The following FAT3 variants were observed in gnomAD, a reference collection of about 807,000 sequenced individuals.
FAT3 encodes protocadherin Fat 3.
A neutral mutation model predicts 310.2 loss-of-function variants in FAT3; 95 were observed. The observed-to-expected ratio is 0.31, with a 90% confidence interval of 0.26 to 0.36. The LOEUF is 0.36. Ranked by LOEUF, FAT3 falls within the 10% of genes least tolerant of loss-of-function variation. FAT3 has a pLI of 1.00. For synonymous variants in FAT3, 2,314 were observed against 2,192.9 expected (o/e 1.06, Z -1.54); for missense variants, 5,408 against 5,715.6 (o/e 0.95, Z 1.74).
chr11:92,866,130 T>C (rs1863157900), intron 21 of FAT3, among the ~76,000 whole-genome samples: 1 of 152,216 alleles, frequency 6.6e-6, no homozygotes, highest in South Asian at 2.1e-4. Context: ...AGCTGAGAAC[T>C]AGGAAATTTT....
rs1474762286 is a variant in FAT3 at position 92,797,829 on chromosome 11, A to G, written c.4823-7A>G. On this transcript the variant is annotated splice_region_variant and splice_polypyrimidine_tract_variant and intron_variant, in intron 9 of 27. Coordinates refer to ENST00000525166, the MANE Select transcript of FAT3 (RefSeq NM_001367949.2). Reference sequence around the variant, plus strand: ...AACTCATTTCACCATTGATTTCTGTATTTTAGGGAACACTGGGAACATGTT... The same window carrying G: ...AACTCATTTCACCATTGATTTCTGTGTTTTAGGGAACACTGGGAACATGTT... The G allele has an allele frequency of 1.9e-6, 3 of 1,603,366 alleles. No individual in the cohort carries two copies. Among genetic ancestry groups the G allele is most frequent in the Non-Finnish European group, 2.6e-6 (3 of 1,172,626 alleles).
At chr11:92,633,357 A>C (rs1941630058) in intron 3 of FAT3, among the ~76,000 whole-genome samples, 1 of 152,026 alleles carries the variant, frequency 6.6e-6, no homozygotes, top group African/African-American at 2.4e-5. Context: ...TGTGATGGTT[A>C]TGTCTTCCAG....
intron 1 of FAT3, among the ~76,000 whole-genome samples, chr11:92,317,160 G>GA (rs1947487334): frequency 6.6e-6 from 1 of 152,154 alleles, no homozygotes; most frequent in Non-Finnish European, 1.5e-5. Flanking sequence ...AATGAATGAA[G>GA]AAAACCAGGA....
chr11:92,633,646 C>G (rs756954037), intron 3 of FAT3, among the ~76,000 whole-genome samples: 1 of 152,114 alleles, frequency 6.6e-6, no homozygotes, highest in Non-Finnish European at 1.5e-5. Context: ...CATTGATCAA[C>G]AAACCGTGTC....
intron 20 of FAT3, among the ~76,000 whole-genome samples, 154 bp downstream of exon 20, chr11:92,857,502 C>T (rs780891820): frequency 6.6e-6 from 1 of 152,236 alleles, no homozygotes; most frequent in African/African-American, 2.4e-5. Flanking sequence ...TCCACACTCA[C>T]ATTTACTTAG....
At chr11:92,793,413 C>T (rs1368504134) in intron 9 of FAT3, among the ~76,000 whole-genome samples, 1 of 152,096 alleles carries the variant, frequency 6.6e-6, no homozygotes, top group East Asian at 1.9e-4. Flanking sequence ...TTCAGAAATT[C>T]CTTCACCCTC....
At chr11:92,862,352 A>T (rs1278551308) in intron 21 of FAT3, among the ~76,000 whole-genome samples, 1 of 152,152 alleles carries the variant, frequency 6.6e-6, no homozygotes, top group Admixed American at 6.5e-5. Flanking sequence ...TTTTAAAAAG[A>T]AGAAAGAAAC....
chr11:92,524,599 C>G, intron 2 of FAT3, 35 bp from the exon 3 acceptor site: 2 of 1,587,258 alleles, frequency 1.3e-6, no homozygotes, highest in Non-Finnish European at 1.7e-6. Context: ...TCTTCCCTTT[C>G]TCTGTGACAG....
At chr11:92,542,097 C>T (rs1468096514) in intron 3 of FAT3, among the ~76,000 whole-genome samples, 1 of 152,012 alleles carries the variant, frequency 6.6e-6, no homozygotes, top group Non-Finnish European at 1.5e-5. Flanking sequence ...AAAGGACACC[C>T]TCTTAAGTAC....
At chr11:92,653,620 T>G (rs1591568971) in intron 3 of FAT3, among the ~76,000 whole-genome samples, 1 of 152,314 alleles carries the variant, frequency 6.6e-6, no homozygotes, top group East Asian at 1.9e-4. Flanking sequence ...TCTAGCAGTA[T>G]TAAGAGACAA....
chr11:92,871,419 C>T (rs1401745567), intron 22 of FAT3, among the ~76,000 whole-genome samples: 2 of 152,244 alleles, frequency 1.3e-5, no homozygotes, highest in East Asian at 1.9e-4. Flanking sequence ...TCCACTGAAT[C>T]GGAATCTGTA....
chr11:92,372,920 G>A (rs1019945733), intron 2 of FAT3, among the ~76,000 whole-genome samples: 39 of 152,092 alleles, frequency 2.6e-4, no homozygotes, highest in Non-Finnish European at 5.9e-5. Flanking sequence ...TCAGCCTCCC[G>A]AAGTGCTGGG....
chr11:92,664,496 C>G (rs1362265850), intron 3 of FAT3, among the ~76,000 whole-genome samples: 2 of 152,134 alleles, frequency 1.3e-5, no homozygotes, highest in Non-Finnish European at 2.9e-5. Context: ...ACTAGGCTCT[C>G]AAATCTCCTT....
intron 1 of FAT3, among the ~76,000 whole-genome samples, chr11:92,249,317 C>T (rs1366538425): frequency 6.6e-6 from 1 of 152,054 alleles, no homozygotes; most frequent in Non-Finnish European, 1.5e-5. Context: ...TGTACAGACT[C>T]ACCACCTGTG....
chr11:92,514,089 T>G (rs946957658), intron 2 of FAT3, among the ~76,000 whole-genome samples: 2 of 152,232 alleles, frequency 1.3e-5, no homozygotes, highest in Admixed American at 6.5e-5. Flanking sequence ...GAGCACAATG[T>G]ACACATTTTT....
At chr11:92,699,456 A>T (rs369649804) in intron 4 of FAT3, among the ~76,000 whole-genome samples, 3 of 152,240 alleles carry the variant, frequency 2.0e-5, no homozygotes, top group African/African-American at 7.2e-5. Context: ...AAATTATCAC[A>T]TGTACCTTGA....
intron 6 of FAT3, among the ~76,000 whole-genome samples, chr11:92,768,309 C>G (rs968041397): frequency 3.3e-5 from 5 of 152,150 alleles, no homozygotes; most frequent in African/African-American, 1.2e-4. Flanking sequence ...GCCAGATGCC[C>G]AAACAGAACA....
chr11:92,381,412 C>T (rs1020176796), intron 2 of FAT3, among the ~76,000 whole-genome samples: 2 of 152,092 alleles, frequency 1.3e-5, no homozygotes, highest in African/African-American at 2.4e-5. Context: ...ACTTGGGAGG[C>T]TGAGGCATGA....
At chr11:92,611,231 C>T (rs1461021213) in intron 3 of FAT3, among the ~76,000 whole-genome samples, 101 of 152,160 alleles carry the variant, frequency 6.6e-4, no homozygotes, top group Non-Finnish European at 7.4e-5. Context: ...TCAAGTGATC[C>T]TCCATCCTCA....
Sources: gnomAD v4.1 joint callset for allele counts (sites outside exome capture counted in the v4.1 genomes callset) on GRCh38, gnomAD v4.1.1 for gene constraint, MANE v1.5 for transcripts, NCBI Gene and HGNC (gene_info 2026-07-23, HGNC 2026-07-21) for gene names.